COL4A3: variants seen among roughly 807,000 people sequenced by gnomAD.
COL4A3 encodes the protein collagen alpha-3(IV) chain.
A neutral mutation model predicts 217.4 loss-of-function variants in COL4A3; 135 were observed. The observed-to-expected ratio is 0.62, with a 90% CI of 0.54 to 0.72. The LOEUF is 0.72. COL4A3 is among the 30% of genes least tolerant of loss of function. COL4A3 has a pLI of 0.00. For synonymous variants in COL4A3, 690 were observed against 736.3 expected, an observed-to-expected ratio of 0.94 and a Z score of 1.02; for missense variants, 1,868 against 2,119.9, an observed-to-expected ratio of 0.88 and a Z score of 2.33.
intron 9 of COL4A3, among the ~76,000 whole-genome samples, chr2:227,248,841 T>A (rs2069522484): frequency 6.6e-6 from 1 of 152,146 alleles, no homozygotes; most frequent in Non-Finnish European, 1.5e-5. Flanking sequence ...TTTGTATTTG[T>A]TGAAAATAAG....
At chr2:227,291,062 A>G (rs1033053280) in intron 37 of COL4A3, 176 bp downstream of exon 37, 11 of 707,444 alleles carry the variant, frequency 1.6e-5, no homozygotes, top group Non-Finnish European at 2.5e-5. Context: ...TGTCTGTCAC[A>G]GAGCTGTCAA....
At chr2:227,202,802 A>AT in intron 1 of COL4A3, among the ~76,000 whole-genome samples, 1 of 107,234 alleles carries the variant, frequency 9.3e-6, no homozygotes, top group East Asian at 2.1e-4. Flanking sequence ...GTATATATAT[A>AT]ATATGTGTAT....
intron 38 of COL4A3, chr2:227,293,708 G>A: frequency 2.1e-6 from 1 of 475,154 alleles, no homozygotes. Context: ...GAAGTGATTA[G>A]GTGGCTTAAA....
intron 9 of COL4A3, 43 bp downstream of exon 9, chr2:227,248,563 A>ACT (rs140415172): frequency 9.2e-5 from 118 of 1,284,100 alleles, no homozygotes; most frequent in Non-Finnish European, 1.2e-4. Context: ...TCAGTTTTTC[A>ACT]CTCTCTCTCT....
In COL4A3 at chr2:227,282,299, T is replaced by TATATATATATATATATA. The variant is rs1477169067; in HGVS notation, c.2489-64_2489-63insATATATATATATATAAT. 18 of 836,446 alleles carry TATATATATATATATATA rather than the reference T, an allele frequency of 2.2e-5. No individual in the cohort carries two copies. In the Admixed American group the frequency reaches 3.2e-4, roughly 15 times the overall value. 51.8% of individuals were successfully genotyped at this position (836,446 alleles called of 1,614,324 possible). On this transcript the variant is annotated intron_variant, in intron 31 of 51. Transcript: ENST00000396578. The surrounding 1 kb of genome is among the most constrained non-coding windows in gnomAD (Gnocchi z 4.4). Reference sequence around the variant, plus strand: ...AAATATATATATATATATATATATATATTTCTGAAGTTAGTAGGGGAAAGC... The same window carrying TATATATATATATATATA: ...AAATATATATATATATATATATATATATATATATATATATATAATTTCTGAAGTTAGTAGGGGAAAGC...
chr2:227,311,658 G>C, intron 51 of COL4A3, 128 bp from the exon 52 acceptor site: 1 of 846,898 alleles, frequency 1.2e-6, no homozygotes, highest in Non-Finnish European at 1.9e-6. Context: ...GATTACAGGC[G>C]TGAGCCACCA....
chr2:227,275,183 G>T (rs1363893739), intron 26 of COL4A3, among the ~76,000 whole-genome samples: 1 of 151,862 alleles, frequency 6.6e-6, no homozygotes, highest in Non-Finnish European at 1.5e-5. Context: ...TGTTGTTGTT[G>T]TTGTTGTTGT....
intron 9 of COL4A3, among the ~76,000 whole-genome samples, chr2:227,249,624 T>A (rs1310924286): frequency 2.0e-5 from 3 of 152,078 alleles, no homozygotes; most frequent in Non-Finnish European, 4.4e-5. Flanking sequence ...GAGTTTGAGG[T>A]GAGGCTGTTG....
chr2:227,278,968 A>G (rs1311247396), intron 28 of COL4A3, among the ~76,000 whole-genome samples: 5 of 152,204 alleles, frequency 3.3e-5, no homozygotes, highest in African/African-American at 9.6e-5. Flanking sequence ...CTATAAATGC[A>G]TAAGAAGTTA....
intron 1 of COL4A3, among the ~76,000 whole-genome samples, chr2:227,220,900 C>T (rs1373593468): frequency 6.6e-6 from 1 of 152,130 alleles, no homozygotes; most frequent in Non-Finnish European, 1.5e-5. Context: ...TGATACCTTT[C>T]CATATATATG....
chr2:227,199,670 T>C (rs1398165253), intron 1 of COL4A3, among the ~76,000 whole-genome samples: 1 of 152,206 alleles, frequency 6.6e-6, no homozygotes, highest in Admixed American at 6.5e-5. Context: ...CCTAAGATCT[T>C]AAATATTGAG....
At chr2:227,266,381 A>G in intron 21 of COL4A3, 36 bp from the exon 22 acceptor site, 1 of 1,499,466 alleles carries the variant, frequency 6.7e-7, no homozygotes. Context: ...AAAAAAACAC[A>G]AATAAAAAAT....
At chr2:227,179,537 T>C (rs16823288) in intron 1 of COL4A3, among the ~76,000 whole-genome samples, 26,379 of 152,228 alleles carry the variant, frequency 0.17, 2,458 homozygotes, top group Admixed American at 0.26. Context: ...GAGCTCTTAA[T>C]GTCACAGTTG....
chr2:227,225,637 A>AT (rs573522861), intron 1 of COL4A3, among the ~76,000 whole-genome samples: 11,220 of 146,310 alleles, frequency 0.077, 595 homozygotes, highest in African/African-American at 0.15. Flanking sequence ...CGAGGTAGAG[A>AT]TTTTTTTTTT....
At position 227,253,048 on chromosome 2, in the gene COL4A3, C is replaced by T. The variant is rs575587938; in HGVS notation, c.646-248C>T. 6.6e-6 allele frequency among the ~76,000 whole-genome samples: 1 copy of T among 152,284 alleles called. No homozygotes were observed. Among genetic ancestry groups the T allele is most frequent in the Non-Finnish European group, 1.5e-5 (1 of 68,026 alleles). ...TGCTCTGAGCTGGGCTCCTTTCCCT[C>T]CCCCACACCACTGCATGTCAGCATT... On this transcript the variant is annotated intron_variant, in intron 11 of 51. Coordinates refer to ENST00000396578, the MANE Select transcript of COL4A3 (RefSeq NM_000091.5). The surrounding 1 kb of genome is among the most constrained non-coding windows in gnomAD (Gnocchi z 4.4).
Position 227,282,273 on chromosome 2 carries a change from AAAATATAT to A in COL4A3, c.2489-90_2489-83del. ...GAAGACAGAGGGAGATTCCATCTTA[AAAATATAT>A]ATATATATATATATATATATTTCTG... On this transcript the variant is annotated intron_variant, in intron 31 of 51. Transcript: ENST00000396578. The surrounding 1 kb of genome is among the most constrained non-coding windows in gnomAD (Gnocchi z 4.4). 2.3e-6 allele frequency: 1 copy of A among 427,288 alleles called. No homozygotes were observed. The highest frequency in any genetic ancestry group is 3.1e-6 in the Non-Finnish European group (1 of 322,568). 26.5% of individuals were successfully genotyped at this position (427,288 alleles called of 1,614,324 possible).
intron 38 of COL4A3, 83 bp downstream of exon 38, chr2:227,293,400 G>A (rs1162534058): frequency 8.7e-6 from 13 of 1,494,866 alleles, no homozygotes; most frequent in African/African-American, 2.8e-5. Flanking sequence ...TAAACAGAAA[G>A]CTATTTATAC....
At chr2:227,224,869 CTTTT>C (rs1347853174) in intron 1 of COL4A3, among the ~76,000 whole-genome samples, 1 of 151,798 alleles carries the variant, frequency 6.6e-6, no homozygotes, top group Non-Finnish European at 1.5e-5. Flanking sequence ...AATGAATTTT[CTTTT>C]TTGTTATTAA....
At chr2:227,272,266 A>G (rs986280520) in intron 25 of COL4A3, among the ~76,000 whole-genome samples, 1 of 152,236 alleles carries the variant, frequency 6.6e-6, no homozygotes, top group Non-Finnish European at 1.5e-5. Context: ...AAGATGCTCC[A>G]TAAAGTAAAT....
Sources: gnomAD v4.1 joint callset for allele counts (sites outside exome capture counted in the v4.1 genomes callset) on GRCh38, gnomAD v4.1.1 for gene constraint, Gnocchi (gnomAD v3.1) non-coding constraint, MANE v1.5 for transcripts, NCBI Gene and HGNC (gene_info 2026-07-23, HGNC 2026-07-21) for gene names.